The following ANKRD11 variants were observed in gnomAD, a reference collection of about 807,000 sequenced individuals.
ANKRD11 encodes the protein ankyrin repeat domain 11, also known as ankyrin repeat domain-containing protein 11.
ANKRD11 carries 17 observed loss-of-function variants against 195.7 expected under a neutral mutation model. The ratio of observed to expected loss-of-function variants is 0.09; its 90% CI spans 0.06 to 0.13. The LOEUF is 0.13. Ranked by LOEUF, ANKRD11 falls within the 10% of genes least tolerant of loss-of-function variation. The pLI is 1.00. For missense variants in ANKRD11, 3,735 were observed against 3,566.1 expected (o/e 1.05, Z -1.21); for synonymous variants, 1,953 against 1,528.1 (o/e 1.28, Z -6.49).
chr16:89,381,331 CAAAAAAAAAA>C (rs10567322), intron 2 of ANKRD11, among the ~76,000 whole-genome samples: 11 of 76,364 alleles, frequency 1.4e-4, no homozygotes, highest in African/African-American at 5.7e-4. Flanking sequence ...GACTCTGCTG[CAAAAAAAAAA>C]AAAAAAAAAA....
chr16:89,369,520 G>T (rs1295492300), intron 2 of ANKRD11, among the ~76,000 whole-genome samples: 1 of 152,234 alleles, frequency 6.6e-6, no homozygotes, highest in Non-Finnish European at 1.5e-5. Flanking sequence ...CCCACAGATT[G>T]TCCTTCACAT....
At chr16:89,362,255 G>C (rs1208699807) in intron 2 of ANKRD11, among the ~76,000 whole-genome samples, 2 of 152,112 alleles carry the variant, frequency 1.3e-5, no homozygotes, top group Non-Finnish European at 1.5e-5. Context: ...TATGCTTTTC[G>C]GGATCTCAGC....
chr16:89,357,213 G>T (rs1291658997), intron 2 of ANKRD11, among the ~76,000 whole-genome samples: 3 of 152,124 alleles, frequency 2.0e-5, no homozygotes, highest in Non-Finnish European at 4.4e-5. Flanking sequence ...TTGGGGGCGG[G>T]GTGAGTCAGC....
At chr16:89,431,009 C>A (rs866740204) in intron 1 of ANKRD11, among the ~76,000 whole-genome samples, 2 of 152,226 alleles carry the variant, frequency 1.3e-5, no homozygotes, top group African/African-American at 2.4e-5. Context: ...CCATCCCGGC[C>A]TCTTCCTAAG....
intron 2 of ANKRD11, among the ~76,000 whole-genome samples, chr16:89,384,557 GA>G (rs373642904): frequency 3.4e-5 from 5 of 147,894 alleles, no homozygotes; most frequent in Non-Finnish European, 7.5e-5. Flanking sequence ...GATGGGATGG[GA>G]ATGGGACAGG....
At chr16:89,368,600 G>T (rs575202127) in intron 2 of ANKRD11, among the ~76,000 whole-genome samples, 2 of 145,406 alleles carry the variant, frequency 1.4e-5, no homozygotes, top group African/African-American at 2.6e-5. Context: ...ATAAAAACAC[G>T]CAGCTCTTAA....
chr16:89,397,131 G>T (rs1444723677), intron 2 of ANKRD11, among the ~76,000 whole-genome samples: 1 of 152,050 alleles, frequency 6.6e-6, no homozygotes, highest in Admixed American at 6.5e-5. Flanking sequence ...GTTTCAACTG[G>T]CAAATGCCAG....
chr16:89,388,101 C>T (rs1386300962), intron 2 of ANKRD11, among the ~76,000 whole-genome samples: 1 of 151,934 alleles, frequency 6.6e-6, no homozygotes, highest in Non-Finnish European at 1.5e-5. Context: ...AGTTCAGAGT[C>T]CCTGTACAGC....
chr16:89,438,185 C>G (rs1304079996), intron 1 of ANKRD11, among the ~76,000 whole-genome samples: 3 of 152,222 alleles, frequency 2.0e-5, no homozygotes, highest in Non-Finnish European at 2.9e-5. Context: ...TGCATGAAGA[C>G]TAGGAACAGC....
intron 1 of ANKRD11, among the ~76,000 whole-genome samples, chr16:89,425,401 T>C (rs888936241): frequency 6.6e-6 from 1 of 152,136 alleles, no homozygotes; most frequent in Non-Finnish European, 1.5e-5. Flanking sequence ...AATCTTACAA[T>C]GTAACTTTAG....
At chr16:89,386,404 T>C (rs1189525731) in intron 2 of ANKRD11, among the ~76,000 whole-genome samples, 1 of 152,046 alleles carries the variant, frequency 6.6e-6, no homozygotes, top group Admixed American at 6.5e-5. Flanking sequence ...TGCCCCACCC[T>C]TTACCCAAGG....
intron 1 of ANKRD11, among the ~76,000 whole-genome samples, chr16:89,479,666 C>G (rs2057377463): frequency 6.6e-6 from 1 of 150,398 alleles, no homozygotes; most frequent in Non-Finnish European, 1.5e-5. Flanking sequence ...TTAAAAAGGC[C>G]AGACGCAGTG....
At chr16:89,294,764 A>ACTGC (rs1032784503) in intron 4 of ANKRD11, among the ~76,000 whole-genome samples, 1 of 152,146 alleles carries the variant, frequency 6.6e-6, no homozygotes, top group African/African-American at 2.4e-5. Flanking sequence ...TGGGTCCCGC[A>ACTGC]CTGCCTGCCT....
intron 1 of ANKRD11, among the ~76,000 whole-genome samples, chr16:89,429,984 A>G (rs565139344): frequency 0.01 from 1,095 of 109,404 alleles, 11 homozygotes; most frequent in Non-Finnish European, 0.013. Flanking sequence ...CTCAACTCTC[A>G]CGCTCAGTCG....
intron 4 of ANKRD11, among the ~76,000 whole-genome samples, chr16:89,294,107 G>T (rs1401466358): frequency 6.6e-6 from 1 of 152,162 alleles, no homozygotes; most frequent in Non-Finnish European, 1.5e-5. Context: ...CAGGGTCAGG[G>T]CCACATCCCT....
intron 9 of ANKRD11, chr16:89,277,579 C>A (rs2033763859): frequency 6.6e-6 from 1 of 152,248 alleles, no homozygotes; most frequent in Non-Finnish European, 1.5e-5. Flanking sequence ...AGGAGAGATC[C>A]TGGGGCAGGT....
chr16:89,419,841 A>C (rs2042441297), intron 1 of ANKRD11, among the ~76,000 whole-genome samples: 1 of 152,142 alleles, frequency 6.6e-6, no homozygotes, highest in African/African-American at 2.4e-5. Flanking sequence ...ACTCCTGGAC[A>C]GGATTGTTCA....
chr16:89,336,072 T>C (rs1291524308), intron 2 of ANKRD11, among the ~76,000 whole-genome samples: 1 of 152,234 alleles, frequency 6.6e-6, no homozygotes, highest in East Asian at 1.9e-4. Context: ...GCCAGTTGGT[T>C]TGAAAAAGCT....
At chr16:89,444,458 C>T (rs1366099385) in intron 1 of ANKRD11, among the ~76,000 whole-genome samples, 2 of 134,870 alleles carry the variant, frequency 1.5e-5, no homozygotes, top group East Asian at 2.2e-4. Context: ...ACGGGGCGGT[C>T]GGGGGGGTGG....
Sources: allele counts gnomAD v4.1 joint callset (sites outside exome capture counted in the v4.1 genomes callset), GRCh38; gene constraint gnomAD v4.1.1; transcripts MANE v1.5; gene names NCBI Gene and HGNC (gene_info 2026-07-23, HGNC 2026-07-21).